The following AP3B1 variants were observed in gnomAD, a reference collection of about 807,000 sequenced individuals.
AP3B1 encodes adaptor related protein complex 3 subunit beta 1.
Under a neutral mutation model 132.5 loss-of-function variants are expected in AP3B1, and 61 were observed. The ratio of observed to expected loss-of-function variants is 0.46; its 90% confidence interval spans 0.37 to 0.57. The LOEUF (loss-of-function observed/expected upper bound fraction) is 0.57, where lower values mean the gene tolerates loss of function less well. Among genes scored for constraint, AP3B1 ranks in the 20% least tolerant of loss-of-function variants. AP3B1 has a pLI of 0.00. For synonymous variants in AP3B1, 388 were observed against 438.3 expected, an observed-to-expected ratio of 0.89 and a Z score of 1.43; for missense variants, 1,120 against 1,289.4, an observed-to-expected ratio of 0.87 and a Z score of 2.01.
intron 19 of AP3B1, among the ~76,000 whole-genome samples, chr5:78,111,209 C>A (rs2112254751): frequency 6.6e-6 from 1 of 152,230 alleles, no homozygotes; most frequent in East Asian, 1.9e-4. Context: ...AAAGGAAATT[C>A]TTCTAAAGTA....
chr5:78,101,644 C>T (rs1177084460), intron 20 of AP3B1, among the ~76,000 whole-genome samples: 1 of 152,008 alleles, frequency 6.6e-6, no homozygotes, highest in Non-Finnish European at 1.5e-5. Context: ...ATTTCAAAAA[C>T]ATATCTGCAT....
intron 14 of AP3B1, among the ~76,000 whole-genome samples, chr5:78,147,726 CCAG>C (rs1472110718): frequency 1.3e-5 from 2 of 152,112 alleles, no homozygotes; most frequent in Non-Finnish European, 2.9e-5. Context: ...GGCTTATAGT[CCAG>C]CAACTGTTGA....
chr5:78,201,207 A>C (rs1251730638), intron 7 of AP3B1, among the ~76,000 whole-genome samples: 1 of 152,238 alleles, frequency 6.6e-6, no homozygotes, highest in Non-Finnish European at 1.5e-5. Flanking sequence ...AACTGTAGCA[A>C]ACTAAAACAA....
intron 19 of AP3B1, among the ~76,000 whole-genome samples, chr5:78,112,928 T>C (rs1230668167): frequency 1.3e-5 from 2 of 152,228 alleles, no homozygotes; most frequent in East Asian, 1.9e-4. Flanking sequence ...AAAAACAATA[T>C]AAATCACTTT....
intron 11 of AP3B1, among the ~76,000 whole-genome samples, chr5:78,167,508 A>G (rs549065528): frequency 4.3e-4 from 65 of 152,184 alleles, no homozygotes; most frequent in Non-Finnish European, 7.5e-4. Flanking sequence ...AGAGGAAAAG[A>G]AGACATTATA....
intron 13 of AP3B1, among the ~76,000 whole-genome samples, chr5:78,162,260 T>C (rs1264394456): frequency 1.3e-5 from 2 of 152,274 alleles, no homozygotes; most frequent in African/African-American, 4.8e-5. Context: ...TACTGGATAT[T>C]ACCTATCCAG....
chr5:78,020,881 A>G, intron 24 of AP3B1, 92 bp from the exon 25 acceptor site: 5 of 1,026,964 alleles, frequency 4.9e-6, no homozygotes, highest in Non-Finnish European at 7.4e-6. Context: ...AGCCTATGCT[A>G]GCATATACAG....
At position 78,190,892 on chromosome 5, in the gene AP3B1, GT is replaced by G. The variant is rs1438853295; in HGVS notation, c.787-9231del. ...CCCTAGATGCCAAATATGAAAAAAAGTTTCCCCCCTAAAATTATCCCTCAGA... is the reference window on the plus strand; with the variant it reads ...CCCTAGATGCCAAATATGAAAAAAAGTTCCCCCCTAAAATTATCCCTCAGA... On this transcript the variant is annotated intron_variant, in intron 7 of 26. Coordinates refer to ENST00000255194, the MANE Select transcript of AP3B1 (RefSeq NM_003664.5). Among the ~76,000 whole-genome samples the G allele has an allele frequency of 2.0e-5, 3 of 152,200 alleles. No individual in the cohort carries two copies. The East Asian group carries it at 5.8e-4, about 29-fold the overall frequency.
intron 22 of AP3B1, among the ~76,000 whole-genome samples, chr5:78,041,270 G>A (rs1374762287): frequency 3.5e-5 from 5 of 143,372 alleles, no homozygotes; most frequent in Admixed American, 7.2e-5. Context: ...GCAAAACTCC[G>A]TCTCAAAAAA....
intron 15 of AP3B1, among the ~76,000 whole-genome samples, chr5:78,133,970 T>C (rs901472648): frequency 2.0e-5 from 3 of 151,742 alleles, no homozygotes; most frequent in Non-Finnish European, 1.5e-5. Context: ...TATTACACAG[T>C]GAAACCCCAT....
Position 78,097,071 on chromosome 5 carries a change from GC to G in AP3B1, c.2470+3881del, listed in dbSNP as rs1350760526. 3.7e-5 allele frequency among the ~76,000 whole-genome samples: 4 copies of G among 108,014 alleles called. 1 individual carries two copies. The highest frequency in any genetic ancestry group is 1.2e-4 in the African/African-American group (3 of 25,118). 70.9% of individuals were successfully genotyped at this position (108,014 alleles called of 152,430 possible). A position where few individuals can be genotyped will look rare whatever the true frequency, so the allele number is the denominator to read the frequency against. ...GTCCGGGAGGGAGGTTGGGGGGTCA[GC>G]CCCCCGCCCGGCCAGCCGCCCCGTC... is the stretch of plus-strand genomic sequence containing the variant. On this transcript the variant is annotated intron_variant, in intron 21 of 26. Transcript: ENST00000255194.
chr5:78,287,385 A>C (rs902533899), intron 1 of AP3B1, among the ~76,000 whole-genome samples: 1 of 152,208 alleles, frequency 6.6e-6, no homozygotes, highest in Admixed American at 6.5e-5. Context: ...GCAAAGCAAA[A>C]TAAGATAAAA....
In AP3B1 at chr5:78,143,824, G is replaced by T. The variant is rs141710007; in HGVS notation, c.1474-2505C>A. ...AGGACAGGAGTTTGAGACCAGCCTG[G>T]CCAACATGGTGATACCCTGTCTCTA... On this transcript the variant is annotated intron_variant, in intron 14 of 26. Coordinates refer to ENST00000255194, the MANE Select transcript of AP3B1 (RefSeq NM_003664.5). Among the ~76,000 whole-genome samples, 31 of 152,148 alleles carry T rather than the reference G, an allele frequency of 2.0e-4. No individual in the cohort carries two copies. The East Asian group carries it at 5.2e-3, about 26-fold the overall frequency.
intron 2 of AP3B1, among the ~76,000 whole-genome samples, chr5:78,250,532 C>G (rs371060349): frequency 6.6e-6 from 1 of 152,042 alleles, no homozygotes; most frequent in South Asian, 2.1e-4. Context: ...GAGCCTACAA[C>G]AGAACCAATT....
rs5868908 is a variant in AP3B1 at position 78,228,244 on chromosome 5, T to TA, written c.280-6dup. The TA allele has an allele frequency of 0.31, 483,404 of 1,555,402 alleles. 67,140 individuals are homozygous for TA. Among genetic ancestry groups the TA allele is most frequent in the Middle Eastern group, 0.4 (2,328 of 5,888 alleles). ...AACATATACCAACTTCTTGATCTGTTAAAAAAAAATCATTTATTCATAACC... is the reference window on the plus strand; with the variant it reads ...AACATATACCAACTTCTTGATCTGTTAAAAAAAAAATCATTTATTCATAACC... On this transcript the variant is annotated splice_polypyrimidine_tract_variant and splice_region_variant and intron_variant, in intron 3 of 26. Coordinates refer to ENST00000255194, the MANE Select transcript of AP3B1 (RefSeq NM_003664.5).
intron 20 of AP3B1, chr5:78,101,231 A>G (rs1422998963): frequency 2.0e-6 from 1 of 506,808 alleles, no homozygotes; most frequent in African/African-American, 1.9e-5. Flanking sequence ...GCAAACTCTT[A>G]AACTATTTTG....
At position 78,053,289 on chromosome 5, in the gene AP3B1, C is replaced by A. The variant is rs544121035; in HGVS notation, c.2578-14015G>T. Among the ~76,000 whole-genome samples, 95 of 152,140 alleles carry A rather than the reference C, an allele frequency of 6.2e-4. 1 individual carries two copies. Among genetic ancestry groups the A allele is most frequent in the Admixed American group, 1.2e-3 (19 of 15,256 alleles). On this transcript the variant is annotated intron_variant, in intron 22 of 26. Coordinates refer to ENST00000255194, the MANE Select transcript of AP3B1 (RefSeq NM_003664.5). Reference sequence around the variant, plus strand: ...CCTCTACCACCAGCTTAATTCAAGTCTTCATTAACACTGAAAATACTTTTA... The same window carrying A: ...CCTCTACCACCAGCTTAATTCAAGTATTCATTAACACTGAAAATACTTTTA...
chr5:78,091,844 G>A (rs1750530644), intron 21 of AP3B1, among the ~76,000 whole-genome samples: 1 of 152,170 alleles, frequency 6.6e-6, no homozygotes, highest in Non-Finnish European at 1.5e-5. Context: ...GCAGGGTTGG[G>A]AGTAGGGAAG....
rs915432664 is a variant in AP3B1 at position 78,294,637 on chromosome 5, C to G, written c.-58G>C. ...TGCCGGGGGTTCTCTCCAAAAGGTT[C>G]CAGTCCAGAGGGCACGGAACAAAAC... On this transcript the variant is annotated 5_prime_UTR_variant, in exon 1 of 27. Coordinates refer to ENST00000255194, the MANE Select transcript of AP3B1 (RefSeq NM_003664.5). The G allele has an allele frequency of 1.9e-6, 3 of 1,611,554 alleles. No individual in the cohort carries two copies. The highest frequency in any genetic ancestry group is 1.1e-5 in the South Asian group (1 of 91,058).
Sources: allele counts gnomAD v4.1 joint callset (sites outside exome capture counted in the v4.1 genomes callset), GRCh38; gene constraint gnomAD v4.1.1; transcripts MANE v1.5; gene names NCBI Gene and HGNC (gene_info 2026-07-23, HGNC 2026-07-21).